CSMD1: variants seen among roughly 807,000 people sequenced by gnomAD.
CSMD1 encodes CUB and Sushi multiple domains 1.
Under a neutral mutation model 417.5 loss-of-function variants are expected in CSMD1, and 213 were observed. That is an observed-to-expected ratio of 0.51 (90% CI 0.46 to 0.57). The LOEUF (loss-of-function observed/expected upper bound fraction) is 0.57. CSMD1 is among the 20% of genes least tolerant of loss of function. The pLI is 0.00. For missense variants in CSMD1, 6,923 were observed against 4,529.7 expected, an observed-to-expected ratio of 1.53 and a Z score of -15.17; for synonymous variants, 2,862 against 1,736.8, an observed-to-expected ratio of 1.65 and a Z score of -16.11.
intron 1 of CSMD1, among the ~76,000 whole-genome samples, chr8:4,791,747 T>C (rs1476912649): frequency 6.6e-6 from 1 of 152,174 alleles, no homozygotes; most frequent in Non-Finnish European, 1.5e-5. Flanking sequence ...AGAAGTTCAA[T>C]TTCCTTCATT....
At chr8:4,779,907 C>T (rs1389872612) in intron 1 of CSMD1, among the ~76,000 whole-genome samples, 1 of 146,544 alleles carries the variant, frequency 6.8e-6, no homozygotes. Flanking sequence ...TTTCTTTTTT[C>T]TTTTTTTTTT....
chr8:4,105,750 A>G (rs551934391), intron 3 of CSMD1, among the ~76,000 whole-genome samples: 24 of 152,328 alleles, frequency 1.6e-4, no homozygotes, highest in Admixed American at 1.4e-3. Flanking sequence ...CGTAGTAAAC[A>G]TAAGCTTATT....
At chr8:3,093,617 G>C (rs999326106) in intron 47 of CSMD1, among the ~76,000 whole-genome samples, 2 of 152,010 alleles carry the variant, frequency 1.3e-5, no homozygotes, top group African/African-American at 2.4e-5. Flanking sequence ...GCAGTGAGCT[G>C]AGGTTGTGCC....
chr8:3,205,881 C>G (rs765889507), intron 30 of CSMD1, among the ~76,000 whole-genome samples: 4 of 152,046 alleles, frequency 2.6e-5, no homozygotes, highest in African/African-American at 4.8e-5. Context: ...ATAAGGGAAA[C>G]ATCTATAATA....
chr8:3,814,698 G>A lies in CSMD1; in HGVS notation c.819-60656C>T, dbSNP rs549009009. On this transcript the variant is annotated intron_variant, in intron 5 of 69. Transcript: ENST00000635120. ...GATGGAGACATTAGCTTAGCCCTCTGGTGATCGCTGATTCTGAAGTAGAAA... is the reference window on the plus strand; with the variant it reads ...GATGGAGACATTAGCTTAGCCCTCTAGTGATCGCTGATTCTGAAGTAGAAA... 2.6e-5 allele frequency among the ~76,000 whole-genome samples: 4 copies of A among 152,214 alleles called. No homozygotes were observed. The East Asian group carries it at 5.8e-4, about 22-fold the overall frequency.
rs1814976886 is a variant in CSMD1, at chr8:3,994,084, GCT to G, written c.818+3817_818+3818del. Among the ~76,000 whole-genome samples the G allele has an allele frequency of 5.9e-5, 9 of 152,306 alleles. No individual in the cohort carries two copies. In the South Asian group the frequency reaches 1.9e-3, roughly 32 times the overall value. ...TGGGAAGGCACACTGAGGCTTCCAG[GCT>G]CTGTCTCAGGGAGCTGAAGCTCAGT... On this transcript the variant is annotated intron_variant, in intron 5 of 69. Coordinates refer to ENST00000635120, the MANE Select transcript of CSMD1 (RefSeq NM_033225.6).
intron 7 of CSMD1, among the ~76,000 whole-genome samples, chr8:3,665,038 T>G (rs1210075097): frequency 6.6e-6 from 1 of 152,134 alleles, no homozygotes; most frequent in Non-Finnish European, 1.5e-5. Flanking sequence ...ATACATAAAC[T>G]ACCAATTTCT....
chr8:3,381,360 T>G (rs1174652057), intron 18 of CSMD1, among the ~76,000 whole-genome samples: 1 of 152,128 alleles, frequency 6.6e-6, no homozygotes, highest in Non-Finnish European at 1.5e-5. Flanking sequence ...TTATTAAAAA[T>G]GCACAGTATC....
chr8:4,899,873 C>G (rs892079324), intron 1 of CSMD1, among the ~76,000 whole-genome samples: 17 of 152,146 alleles, frequency 1.1e-4, no homozygotes, highest in African/African-American at 4.1e-4. Context: ...TCAGACATAC[C>G]TGGGGACAAG....
chr8:4,145,583 C>A (rs1158447058), intron 3 of CSMD1, among the ~76,000 whole-genome samples: 1 of 150,962 alleles, frequency 6.6e-6, no homozygotes, highest in African/African-American at 2.5e-5. Flanking sequence ...GAGAGACGGT[C>A]TCACCATGTT....
At chr8:3,715,474 C>T (rs1162129625) in intron 6 of CSMD1, among the ~76,000 whole-genome samples, 1 of 152,132 alleles carries the variant, frequency 6.6e-6, no homozygotes, top group Non-Finnish European at 1.5e-5. Context: ...GCATGATTAA[C>T]CCAATTATAA....
intron 3 of CSMD1, among the ~76,000 whole-genome samples, chr8:4,225,426 C>G (rs770442020): frequency 6.6e-6 from 1 of 151,600 alleles, no homozygotes; most frequent in Admixed American, 6.6e-5. Flanking sequence ...CATTTTCATA[C>G]ATTATTCTGA....
chr8:4,377,174 A>G (rs1434778391), intron 3 of CSMD1, among the ~76,000 whole-genome samples: 1 of 152,156 alleles, frequency 6.6e-6, no homozygotes, highest in Non-Finnish European at 1.5e-5. Context: ...ATTATAGTGC[A>G]TGGAATTGAT....
Position 3,015,255 on chromosome 8 carries a change from T to C in CSMD1, c.8029+3222A>G, listed in dbSNP as rs1808737889. ...GGTGGATTTGTCCCTCCGGACACTC[T>C]CTTTAAAAACGCATTGCATTCTCTT... On this transcript the variant is annotated intron_variant, in intron 52 of 69. Transcript: ENST00000635120. Among the ~76,000 whole-genome samples the C allele has an allele frequency of 2.0e-5, 3 of 152,188 alleles. No homozygotes were observed. The South Asian group carries it at 6.2e-4, about 31-fold the overall frequency.
intron 5 of CSMD1, among the ~76,000 whole-genome samples, chr8:3,856,508 A>G (rs1057151284): frequency 6.6e-6 from 1 of 152,204 alleles, no homozygotes; most frequent in Non-Finnish European, 1.5e-5. Flanking sequence ...CTGCATGAGG[A>G]TCAAATGGAA....
At chr8:3,240,465 G>T (rs1193767066) in intron 26 of CSMD1, among the ~76,000 whole-genome samples, 1 of 152,124 alleles carries the variant, frequency 6.6e-6, no homozygotes, top group Non-Finnish European at 1.5e-5. Context: ...TGAGAGATCA[G>T]CTGAACACGA....
intron 2 of CSMD1, among the ~76,000 whole-genome samples, chr8:4,472,382 C>G (rs892582771): frequency 3.3e-5 from 5 of 152,032 alleles, no homozygotes; most frequent in African/African-American, 9.7e-5. Context: ...TCTGTAGTAA[C>G]AGTGCTTCAC....
intron 49 of CSMD1, among the ~76,000 whole-genome samples, chr8:3,071,358 G>T (rs986702190): frequency 1.3e-5 from 2 of 151,982 alleles, no homozygotes; most frequent in Non-Finnish European, 2.9e-5. Context: ...TCACGGGGTG[G>T]GGAGCAAGAG....
chr8:3,111,946 T>C (rs141346438), intron 42 of CSMD1, among the ~76,000 whole-genome samples: 13 of 152,202 alleles, frequency 8.5e-5, no homozygotes, highest in African/African-American at 2.9e-4. Flanking sequence ...AGTGTTCACA[T>C]GCTTTTCTTC....
Sources: gnomAD v4.1 joint callset for allele counts (sites outside exome capture counted in the v4.1 genomes callset) on GRCh38, gnomAD v4.1.1 for gene constraint, MANE v1.5 for transcripts, NCBI Gene and HGNC (gene_info 2026-07-23, HGNC 2026-07-21) for gene names.